The following SULT1E1 variants were observed in gnomAD, a reference collection of about 807,000 sequenced individuals.
The protein encoded by SULT1E1 is sulfotransferase 1E1.
A neutral mutation model predicts 33.6 loss-of-function variants in SULT1E1; 36 were observed. The observed-to-expected ratio is 1.07, with a 90% CI of 0.82 to 1.41. The LOEUF is 1.41. Among genes scored for constraint, SULT1E1 ranks in the 40% most tolerant of loss-of-function variants. The pLI is 0.00. For missense variants in SULT1E1, 371 were observed against 345.7 expected, an observed-to-expected ratio of 1.07 and a Z score of -0.58; for synonymous variants, 121 against 111.7, an observed-to-expected ratio of 1.08 and a Z score of -0.53.
At chr4:69,857,694 CA>C in intron 1 of SULT1E1, 41 bp from the exon 2 acceptor site, 1 of 1,522,292 alleles carries the variant, frequency 6.6e-7, no homozygotes, top group Non-Finnish European at 8.8e-7. Flanking sequence ...ATGTACTTAA[CA>C]ATATTTCACC....
the SULT1E1 span, among the ~76,000 whole-genome samples, chr4:69,823,716 G>A: frequency 2.6e-5 from 4 of 152,140 alleles, no homozygotes; most frequent in Admixed American, 2.6e-4. Context: ...TTTAGAGTCT[G>A]TGTAAATATT....
chr4:69,843,732 G>A (rs1259308544), intron 7 of SULT1E1, among the ~76,000 whole-genome samples: 2 of 152,096 alleles, frequency 1.3e-5, no homozygotes, highest in Non-Finnish European at 2.9e-5. Context: ...CCCTTGAAAG[G>A]TGTTTGCCAC....
chr4:69,830,168 T>C, the SULT1E1 span, among the ~76,000 whole-genome samples: 3 of 152,244 alleles, frequency 2.0e-5, no homozygotes, highest in Admixed American at 1.3e-4. Context: ...CCCATGTTTG[T>C]GTCCCCTTGC....
intron 1 of SULT1E1, among the ~76,000 whole-genome samples, chr4:69,858,609 C>T (rs1269309996): frequency 2.6e-5 from 4 of 152,114 alleles, no homozygotes; most frequent in Non-Finnish European, 5.9e-5. Flanking sequence ...ATAAGTTCTT[C>T]TACACACATA....
At chr4:69,857,716 A>G in intron 1 of SULT1E1, 63 bp from the exon 2 acceptor site, 1 of 1,483,084 alleles carries the variant, frequency 6.7e-7, no homozygotes, top group South Asian at 1.4e-5. Flanking sequence ...ATTAACAACT[A>G]TGTATATAAC....
downstream of SULT1E1, among the ~76,000 whole-genome samples, chr4:69,839,748 T>G (rs912001788): frequency 4.6e-5 from 7 of 152,152 alleles, no homozygotes; most frequent in Admixed American, 1.3e-4. Flanking sequence ...ATATGGACTG[T>G]AAGCCCAGCT....
intron 2 of SULT1E1, among the ~76,000 whole-genome samples, chr4:69,856,396 G>C (rs548613123): frequency 1.3e-5 from 2 of 152,290 alleles, no homozygotes; most frequent in East Asian, 3.9e-4. Flanking sequence ...TCTAGTGCCA[G>C]AATAAACACA....
At chr4:69,847,106 T>C (rs1193311040) in intron 6 of SULT1E1, among the ~76,000 whole-genome samples, 1 of 151,786 alleles carries the variant, frequency 6.6e-6, no homozygotes. Context: ...TTTCCTTAGC[T>C]CCATCTTTTA....
the SULT1E1 span, among the ~76,000 whole-genome samples, chr4:69,824,772 T>C: frequency 6.6e-6 from 1 of 152,070 alleles, no homozygotes; most frequent in Non-Finnish European, 1.5e-5. Flanking sequence ...CAGCACTCTG[T>C]AAAATCACCA....
the SULT1E1 span, among the ~76,000 whole-genome samples, chr4:69,821,729 T>C: frequency 6.6e-6 from 1 of 152,200 alleles, no homozygotes; most frequent in African/African-American, 2.4e-5. Context: ...CTTTTACGTG[T>C]GCATTAAACA....
the SULT1E1 span, among the ~76,000 whole-genome samples, chr4:69,827,534 A>G: frequency 6.6e-6 from 1 of 152,150 alleles, no homozygotes; most frequent in Non-Finnish European, 1.5e-5. Flanking sequence ...AGCAGCTACA[A>G]GAGGCCTTAA....
At chr4:69,833,954 T>G in the SULT1E1 span, among the ~76,000 whole-genome samples, 16 of 152,218 alleles carry the variant, frequency 1.1e-4, no homozygotes, top group Non-Finnish European at 2.1e-4. Context: ...CTATAGCATT[T>G]GACCATTTTA....
At chr4:69,843,270 T>C (rs1446765422) in intron 7 of SULT1E1, among the ~76,000 whole-genome samples, 1 of 152,148 alleles carries the variant, frequency 6.6e-6, no homozygotes, top group Non-Finnish European at 1.5e-5. Context: ...GTTCTGAGGG[T>C]ACAGCAGCAA....
At chr4:69,822,121 T>C in the SULT1E1 span, among the ~76,000 whole-genome samples, 1 of 152,178 alleles carries the variant, frequency 6.6e-6, no homozygotes, top group Non-Finnish European at 1.5e-5. Context: ...TAAACTAATA[T>C]CAATTAGGTT....
chr4:69,858,139 A>AT (rs760157737), intron 1 of SULT1E1, among the ~76,000 whole-genome samples: 6 of 152,144 alleles, frequency 3.9e-5, no homozygotes, highest in East Asian at 1.9e-4. Flanking sequence ...AATATGTATC[A>AT]TTTTTTTAAA....
At chr4:69,856,672 C>T (rs1286618865) in intron 2 of SULT1E1, among the ~76,000 whole-genome samples, 3 of 152,022 alleles carry the variant, frequency 2.0e-5, no homozygotes, top group African/African-American at 7.2e-5. Context: ...CGGTGGCTCA[C>T]GCCTGTAATC....
At position 69,857,517 on chromosome 4, in the gene SULT1E1, G is replaced by A. The variant is rs370310742; in HGVS notation, c.128C>T (p.Ala43Val). Residue 43 changes from alanine (A) to valine (V), a missense_variant, in exon 2 of 8, where the codon GCC (alanine) becomes GTC (valine). Physicochemically the swap from Ala to Val is moderately conservative, Grantham distance 64. Transcript: ENST00000226444. Reference sequence around the variant, plus strand: ...AGATTTACCAGATTTAGGGTAGGTGGCAATGACAAGATCATCTGGTCTTGC... The same window carrying A: ...AGATTTACCAGATTTAGGGTAGGTGACAATGACAAGATCATCTGGTCTTGC... The part of the protein sequence containing the change: ...FQARPDDLVI[A>V]TYPKSGTTWV... 1 of 1,601,944 alleles carries A rather than the reference G, an allele frequency of 6.2e-7. No individual in the cohort carries two copies. Among genetic ancestry groups the A allele is most frequent in the Admixed American group, 1.8e-5 (1 of 56,256 alleles).
chr4:69,854,683 G>T (rs1030743847), intron 3 of SULT1E1, among the ~76,000 whole-genome samples: 4 of 151,946 alleles, frequency 2.6e-5, no homozygotes, highest in African/African-American at 9.7e-5. Context: ...TTCATCACCT[G>T]AGAGATATCA....
At chr4:69,854,580 A>C (rs1446937814) in intron 3 of SULT1E1, among the ~76,000 whole-genome samples, 1 of 152,034 alleles carries the variant, frequency 6.6e-6, no homozygotes, top group Non-Finnish European at 1.5e-5. Context: ...AAAAATTAAA[A>C]GATTCTATAT....
Sources: allele counts gnomAD v4.1 joint callset (sites outside exome capture counted in the v4.1 genomes callset), GRCh38; gene constraint gnomAD v4.1.1; transcripts MANE v1.5; gene names NCBI Gene and HGNC (gene_info 2026-07-23, HGNC 2026-07-21).